The following ACVR1 variants were observed in gnomAD, a reference collection of about 807,000 sequenced individuals.
ACVR1 encodes activin A receptor type 1.
In ACVR1, 38 loss-of-function variants were observed where a neutral mutation model predicts 57.1. The observed-to-expected ratio is 0.67, with a 90% CI of 0.51 to 0.87. The LOEUF (loss-of-function observed/expected upper bound fraction) is 0.87. Among genes scored for constraint, ACVR1 ranks in the 40% least tolerant of loss-of-function variants. ACVR1 has a pLI of 0.00. For missense variants in ACVR1, 463 were observed against 638.2 expected, an observed-to-expected ratio of 0.73 and a Z score of 2.96; for synonymous variants, 212 against 228.1, an observed-to-expected ratio of 0.93 and a Z score of 0.63.
intron 1 of ACVR1, among the ~76,000 whole-genome samples, chr2:157,858,276 C>T (rs1432939855): frequency 6.6e-6 from 1 of 152,032 alleles, no homozygotes; most frequent in African/African-American, 2.4e-5. Flanking sequence ...AGGCTGTTCC[C>T]AGACTCTTCT....
intron 7 of ACVR1, among the ~76,000 whole-genome samples, chr2:157,767,152 C>T (rs1685894443): frequency 6.6e-6 from 1 of 152,106 alleles, no homozygotes; most frequent in Admixed American, 6.5e-5. Flanking sequence ...CTGCCTCAGC[C>T]TCCCGAGTAG....
Position 157,801,636 on chromosome 2 carries a change from T to C in ACVR1, c.-7-2136A>G, listed in dbSNP as rs566014693. Among the ~76,000 whole-genome samples the C allele has an allele frequency of 1.8e-4, 27 of 152,342 alleles. No individual in the cohort carries two copies. The East Asian group carries it at 5.0e-3, about 28-fold the overall frequency. ...ACATTATCCTGAGTGGCTTGAGACT[T>C]TCATTGATGATAGTATGATTCCACT... On this transcript the variant is annotated intron_variant, in intron 2 of 10. Transcript: ENST00000434821.
intron 3 of ACVR1, among the ~76,000 whole-genome samples, chr2:157,781,026 T>C (rs1387188672): frequency 6.6e-6 from 1 of 152,202 alleles, no homozygotes; most frequent in Non-Finnish European, 1.5e-5. Flanking sequence ...CCTAAATATA[T>C]GGCAGCTATT....
intron 3 of ACVR1, among the ~76,000 whole-genome samples, chr2:157,794,579 C>CA (rs1313275416): frequency 6.6e-6 from 1 of 152,150 alleles, no homozygotes; most frequent in Non-Finnish European, 1.5e-5. Context: ...CACCATTCCT[C>CA]AAAGTATATG....
intron 1 of ACVR1, among the ~76,000 whole-genome samples, chr2:157,854,115 A>C (rs1432159850): frequency 6.6e-6 from 1 of 151,978 alleles, no homozygotes; most frequent in Non-Finnish European, 1.5e-5. Context: ...ACCAACACAT[A>C]ATCAACACAG....
At chr2:157,755,560 TACCATACC>T (rs1685394281) in intron 9 of ACVR1, among the ~76,000 whole-genome samples, 2 of 151,428 alleles carry the variant, frequency 1.3e-5, no homozygotes, top group African/African-American at 4.9e-5. Flanking sequence ...TACCATACCA[TACCATACC>T]GTACCATACA....
At chr2:157,742,427 T>C (rs1684808790) in intron 9 of ACVR1, among the ~76,000 whole-genome samples, 1 of 152,172 alleles carries the variant, frequency 6.6e-6, no homozygotes. Context: ...TCGCCTCCCA[T>C]GTAAGGCGGC....
chr2:157,743,892 G>A (rs564296454), intron 9 of ACVR1, among the ~76,000 whole-genome samples: 4 of 152,232 alleles, frequency 2.6e-5, no homozygotes, highest in East Asian at 3.9e-4. Flanking sequence ...AAAGGTAAGG[G>A]AAAGAGGAAC....
intron 1 of ACVR1, among the ~76,000 whole-genome samples, chr2:157,851,084 A>G (rs1689282473): frequency 6.6e-6 from 1 of 152,194 alleles, no homozygotes; most frequent in Non-Finnish European, 1.5e-5. Flanking sequence ...TGCTATTTCA[A>G]AAAACCCATA....
At chr2:157,814,806 C>T (rs114010583) in intron 2 of ACVR1, among the ~76,000 whole-genome samples, 2,520 of 152,232 alleles carry the variant, frequency 0.017, 71 homozygotes, top group African/African-American at 0.057. Context: ...TGAATGCGCC[C>T]GACACGGTGG....
At chr2:157,812,458 C>G (rs1687783229) in intron 2 of ACVR1, among the ~76,000 whole-genome samples, 1 of 151,922 alleles carries the variant, frequency 6.6e-6, no homozygotes, top group South Asian at 2.1e-4. Flanking sequence ...AGTGTATATA[C>G]TACATAATAT....
intron 1 of ACVR1, among the ~76,000 whole-genome samples, chr2:157,869,516 A>C (rs1690048263): frequency 2.0e-5 from 3 of 152,252 alleles, no homozygotes. Flanking sequence ...ATTAATTAAA[A>C]AGCATTATAA....
chr2:157,848,443 G>A (rs559287395), intron 1 of ACVR1, among the ~76,000 whole-genome samples: 84 of 152,242 alleles, frequency 5.5e-4, no homozygotes, highest in Non-Finnish European at 1.0e-3. Flanking sequence ...AGCATCAACC[G>A]CCAGACATGC....
At chr2:157,834,437 G>A (rs1009257454) in intron 1 of ACVR1, among the ~76,000 whole-genome samples, 4 of 152,210 alleles carry the variant, frequency 2.6e-5, no homozygotes, top group Admixed American at 2.0e-4. Context: ...ATGCTACACA[G>A]AAGTAGGGGC....
chr2:157,777,084 C>T (rs549729014), intron 5 of ACVR1, among the ~76,000 whole-genome samples: 1 of 152,148 alleles, frequency 6.6e-6, no homozygotes, highest in Non-Finnish European at 1.5e-5. Flanking sequence ...TTTTCTTTTG[C>T]ACTTTATGAT....
At chr2:157,852,390 G>C (rs1030167776) in intron 1 of ACVR1, among the ~76,000 whole-genome samples, 1 of 151,764 alleles carries the variant, frequency 6.6e-6, no homozygotes, top group African/African-American at 2.4e-5. Flanking sequence ...CCCAGCTATA[G>C]GGAGGCTGAT....
At chr2:157,757,044 A>AT (rs1559039320) in intron 9 of ACVR1, among the ~76,000 whole-genome samples, 6,978 of 86,906 alleles carry the variant, frequency 0.08, 324 homozygotes, top group African/African-American at 0.3. Context: ...ATATATATAT[A>AT]AAATAGAATA....
At chr2:157,751,372 G>C (rs1233611103) in intron 9 of ACVR1, among the ~76,000 whole-genome samples, 3 of 152,224 alleles carry the variant, frequency 2.0e-5, no homozygotes, top group Non-Finnish European at 4.4e-5. Flanking sequence ...GGCTGCCGGA[G>C]GAACTGGGAA....
intron 7 of ACVR1, among the ~76,000 whole-genome samples, chr2:157,767,080 G>A (rs1422731697): frequency 6.6e-6 from 1 of 151,966 alleles, no homozygotes; most frequent in Non-Finnish European, 1.5e-5. Flanking sequence ...TGCCCAGGCT[G>A]GAGTGCAATG....
Sources: allele counts gnomAD v4.1 joint callset (sites outside exome capture counted in the v4.1 genomes callset), GRCh38; gene constraint gnomAD v4.1.1; transcripts MANE v1.5; gene names NCBI Gene and HGNC (gene_info 2026-07-23, HGNC 2026-07-21).